TTPA: variants seen among roughly 807,000 people sequenced by gnomAD.
TTPA encodes the protein alpha tocopherol transfer protein, also known as alpha-tocopherol transfer protein.
TTPA carries 23 observed loss-of-function variants against 25.9 expected under a neutral mutation model. That is an observed-to-expected ratio of 0.89 (90% CI 0.64 to 1.26). The LOEUF is 1.26. Among genes scored for constraint, TTPA ranks in the 50% most tolerant of loss-of-function variants. TTPA has a pLI of 0.00. For missense variants in TTPA, 337 were observed against 353.1 expected, an observed-to-expected ratio of 0.95 and a Z score of 0.37; for synonymous variants, 148 against 137.3, an observed-to-expected ratio of 1.08 and a Z score of -0.54.
Position 63,064,143 on chromosome 8 carries a change from TA to T in TTPA, c.663+62del, listed in dbSNP as rs1453149719. ...CGAGGAAAGATGATAAAGCAATCCTTAAATTAAAAAGGGTTGGAATGTTTGG... is the reference window on the plus strand; with the variant it reads ...CGAGGAAAGATGATAAAGCAATCCTTAATTAAAAAGGGTTGGAATGTTTGG... On this transcript the variant is annotated intron_variant, in intron 4 of 4. Transcript: ENST00000260116. 4 of 1,220,592 alleles carry T rather than the reference TA, an allele frequency of 3.3e-6. No individual in the cohort carries two copies. In the East Asian group the frequency reaches 9.8e-5, roughly 30 times the overall value. 75.6% of individuals were successfully genotyped at this position (1,220,592 alleles called of 1,614,324 possible).
rs937654092 is a variant in TTPA, at chr8:63,064,400, G to A, written c.553-84C>T. The A allele has an allele frequency of 1.6e-5, 15 of 921,986 alleles. No individual in the cohort carries two copies. In the African/African-American group the frequency reaches 2.1e-4, roughly 13 times the overall value. 57.1% of individuals were successfully genotyped at this position (921,986 alleles called of 1,614,324 possible). On this transcript the variant is annotated intron_variant, in intron 3 of 4. Coordinates refer to ENST00000260116, the MANE Select transcript of TTPA (RefSeq NM_000370.3). Reference sequence around the variant, plus strand: ...TGTCAAGTTTCTTCTTTGAACACTTGCTAAGCTTATGGAAATATCTAAAGT... The same window carrying A: ...TGTCAAGTTTCTTCTTTGAACACTTACTAAGCTTATGGAAATATCTAAAGT...
intron 2 of TTPA, among the ~76,000 whole-genome samples, chr8:63,072,036 G>C (rs1167375003): frequency 6.6e-6 from 1 of 152,170 alleles, no homozygotes. Context: ...ACAGCTCCCA[G>C]AGGAGTTGCC....
At chr8:63,065,664 GA>G (rs1805377696) in intron 3 of TTPA, among the ~76,000 whole-genome samples, 1 of 152,100 alleles carries the variant, frequency 6.6e-6, no homozygotes, top group African/African-American at 2.4e-5. Context: ...CACATATTAA[GA>G]TGCATAAATC....
intron 4 of TTPA, among the ~76,000 whole-genome samples, chr8:63,063,776 G>A (rs764563791): frequency 3.9e-5 from 6 of 151,974 alleles, no homozygotes; most frequent in Admixed American, 2.0e-4. Flanking sequence ...CTGCAATCTC[G>A]TTGTTTTCTG....
rs1243305582 is a variant in TTPA at position 63,066,236 on chromosome 8, T to A, written c.359-139A>T. ...CAAAGATCAAGAATTGATTAATAAA[T>A]CCAACTGGCGTCCAAGAACATGTGC... On this transcript the variant is annotated intron_variant, in intron 2 of 4. Coordinates refer to ENST00000260116, the MANE Select transcript of TTPA (RefSeq NM_000370.3). 3 of 912,966 alleles carry A rather than the reference T, an allele frequency of 3.3e-6. No individual in the cohort carries two copies. The African/African-American group carries it at 5.0e-5, about 15-fold the overall frequency. The allele number at this position is 912,966 out of a possible 1,614,324, so 56.6% of individuals were successfully genotyped here.
intron 2 of TTPA, 151 bp from the exon 3 acceptor site, chr8:63,066,248 C>T (rs562610976): frequency 3.0e-5 from 25 of 819,992 alleles, no homozygotes; most frequent in Non-Finnish European, 4.6e-5. Flanking sequence ...CAACTGGCGT[C>T]CAAGAACATG....
chr8:63,075,808 T>C (rs996967708), intron 1 of TTPA, among the ~76,000 whole-genome samples: 1 of 150,998 alleles, frequency 6.6e-6, no homozygotes, highest in Non-Finnish European at 1.5e-5. Context: ...ACACATGATA[T>C]GAAAAATTTT....
intron 1 of TTPA, among the ~76,000 whole-genome samples, chr8:63,083,101 T>C (rs1181941058): frequency 6.6e-6 from 1 of 152,152 alleles, no homozygotes; most frequent in Non-Finnish European, 1.5e-5. Flanking sequence ...GATCTAGAAC[T>C]AGAAATACCA....
chr8:63,072,178 T>G (rs189305373), intron 2 of TTPA, among the ~76,000 whole-genome samples: 1 of 152,300 alleles, frequency 6.6e-6, no homozygotes, highest in East Asian at 1.9e-4. Flanking sequence ...AGACCATGTT[T>G]TCAGTGCTTG....
chr8:63,082,802 C>T (rs186196969), intron 1 of TTPA, among the ~76,000 whole-genome samples: 37 of 151,834 alleles, frequency 2.4e-4, no homozygotes, highest in African/African-American at 8.7e-4. Flanking sequence ...ACAAGAAAAA[C>T]AACCCCATCA....
At chr8:63,081,539 T>C (rs536922027) in intron 1 of TTPA, among the ~76,000 whole-genome samples, 4 of 152,340 alleles carry the variant, frequency 2.6e-5, no homozygotes, top group Non-Finnish European at 5.9e-5. Flanking sequence ...AGTATCATAC[T>C]GAATGGGCCA....
chr8:63,085,859 AC>A lies in TTPA; in HGVS notation c.162del (p.Phe55SerfsTer16). Reference sequence around the variant, plus strand: ...AGATCGAAATCCCGGGCGCGCAGGAACCGCAGCAGGAAGGAGTCGGTGAGCG... The same window carrying A: ...AGATCGAAATCCCGGGCGCGCAGGAACGCAGCAGGAAGGAGTCGGTGAGCG... ...PLPLTDSFLL[R>X]FLRARDFDLD... On this transcript the variant is annotated frameshift_variant, in exon 1 of 5. Transcript: ENST00000260116. LOFTEE classifies it high-confidence loss of function. The A allele has an allele frequency of 6.5e-7, 1 of 1,536,148 alleles. No individual in the cohort carries two copies. Among genetic ancestry groups the A allele is most frequent in the African/African-American group, 1.4e-5 (1 of 72,574 alleles).
chr8:63,071,611 T>C (rs1805483288), intron 2 of TTPA, among the ~76,000 whole-genome samples: 1 of 152,042 alleles, frequency 6.6e-6, no homozygotes, highest in African/African-American at 2.4e-5. Context: ...CCCTCAACAG[T>C]CATATGCTGA....
At chr8:63,075,301 A>G (rs1344659593) in intron 1 of TTPA, among the ~76,000 whole-genome samples, 2 of 152,220 alleles carry the variant, frequency 1.3e-5, no homozygotes, top group African/African-American at 4.8e-5. Context: ...TGTTTCATGT[A>G]CTTTGAAACA....
intron 1 of TTPA, among the ~76,000 whole-genome samples, chr8:63,078,629 G>C (rs897938357): frequency 1.6e-4 from 25 of 152,028 alleles, no homozygotes; most frequent in Non-Finnish European, 3.4e-4. Context: ...GAGAAGACAA[G>C]GTTAGAGAAA....
chr8:63,082,057 C>G (rs1314392030), intron 1 of TTPA, among the ~76,000 whole-genome samples: 1 of 152,110 alleles, frequency 6.6e-6, no homozygotes, highest in Non-Finnish European at 1.5e-5. Flanking sequence ...ATGAAAATGG[C>G]CATACTGCCC....
chr8:63,071,407 T>C (rs1468472863), intron 2 of TTPA, among the ~76,000 whole-genome samples: 1 of 152,190 alleles, frequency 6.6e-6, no homozygotes, highest in Non-Finnish European at 1.5e-5. Flanking sequence ...AAAGATATAG[T>C]TGTTTCTGTA....
chr8:63,068,514 A>G (rs1378429622), intron 2 of TTPA, among the ~76,000 whole-genome samples: 1 of 152,222 alleles, frequency 6.6e-6, no homozygotes, highest in East Asian at 1.9e-4. Flanking sequence ...CATTCATTTC[A>G]GCAGGGATGG....
At chr8:63,077,042 A>C (rs915316694) in intron 1 of TTPA, among the ~76,000 whole-genome samples, 4 of 152,220 alleles carry the variant, frequency 2.6e-5, no homozygotes, top group Non-Finnish European at 5.9e-5. Flanking sequence ...AATTCATTTG[A>C]TTACATTAAA....
Sources: gnomAD v4.1 joint callset for allele counts (sites outside exome capture counted in the v4.1 genomes callset) on GRCh38, gnomAD v4.1.1 for gene constraint, MANE v1.5 for transcripts, NCBI Gene and HGNC (gene_info 2026-07-23, HGNC 2026-07-21) for gene names.